The following ZMYND15 variants were observed in gnomAD, a reference collection of about 807,000 sequenced individuals.
ZMYND15 encodes the protein zinc finger MYND-type containing 15.
Under a neutral mutation model 81.7 loss-of-function variants are expected in ZMYND15, and 54 were observed. That is an observed-to-expected ratio of 0.66 (90% CI 0.53 to 0.83). ZMYND15 has a LOEUF of 0.83. Among genes scored for constraint, ZMYND15 ranks in the 40% least tolerant of loss-of-function variants. The probability of loss-of-function intolerance (pLI) is 0.00; values close to 1 mark genes in which losing one functional copy is unlikely to be tolerated. For missense variants in ZMYND15, 925 were observed against 973.5 expected (o/e 0.95, Z 0.66); for synonymous variants, 399 against 387.0 (o/e 1.03, Z -0.36).
Position 4,744,330 on chromosome 17 carries a change from A to G in ZMYND15, c.1585-39A>G. 6.2e-7 allele frequency: 1 copy of G among 1,613,854 alleles called. No individual in the cohort carries two copies. Among genetic ancestry groups the G allele is most frequent in the Non-Finnish European group, 8.5e-7 (1 of 1,179,748 alleles). ...GGCATTTTGGTATGGGGGTGGGCAC[A>G]GGGTAGACCCCAGATCTTTCTTTCT... On this transcript the variant is annotated intron_variant, in intron 9 of 13. Transcript: ENST00000433935. The surrounding 1 kb of genome is among the most constrained non-coding windows in gnomAD (Gnocchi z 4.1).
At position 4,745,124 on chromosome 17, in the gene ZMYND15, G is replaced by A. The variant is rs538764103; in HGVS notation, c.1897-91G>A. 3.1e-6 allele frequency: 5 copies of A among 1,602,876 alleles called. No individual in the cohort carries two copies. Among genetic ancestry groups the A allele is most frequent in the East Asian group, 4.5e-5 (2 of 44,830 alleles). On this transcript the variant is annotated intron_variant, in intron 12 of 13. Coordinates refer to ENST00000433935, the MANE Select transcript of ZMYND15 (RefSeq NM_001136046.3). The surrounding 1 kb of genome is among the most constrained non-coding windows in gnomAD (Gnocchi z 5.2). ...CTGCTCCCCTCCGCCCGGTCTGTCCGGGGACCTCGGCTTTCAGCCCGGTCT... is the reference window on the plus strand; with the variant it reads ...CTGCTCCCCTCCGCCCGGTCTGTCCAGGGACCTCGGCTTTCAGCCCGGTCT...
rs1194598327 is a variant in ZMYND15 at position 4,743,552 on chromosome 17, G to C, written c.1297+97G>C. On this transcript the variant is annotated intron_variant, in intron 6 of 13. Coordinates refer to ENST00000433935, the MANE Select transcript of ZMYND15 (RefSeq NM_001136046.3). The surrounding 1 kb of genome is among the most constrained non-coding windows in gnomAD (Gnocchi z 4.3). ...CAGATGATCCCTCCACATACACACTGACCCCTACCAACAGCACCAGGGCCA... is the reference window on the plus strand; with the variant it reads ...CAGATGATCCCTCCACATACACACTCACCCCTACCAACAGCACCAGGGCCA... 2.0e-6 allele frequency: 3 copies of C among 1,529,552 alleles called. No homozygotes were observed. Among genetic ancestry groups the C allele is most frequent in the Non-Finnish European group, 2.6e-6 (3 of 1,133,204 alleles). 94.7% of individuals were successfully genotyped at this position (1,529,552 alleles called of 1,614,324 possible).
At position 4,741,680 on chromosome 17, in the gene ZMYND15, G is replaced by A. The variant is rs143609208; in HGVS notation, c.691G>A (p.Ala231Thr). 2.8e-5 allele frequency: 45 copies of A among 1,613,966 alleles called. No homozygotes were observed. The highest frequency in any genetic ancestry group is 3.3e-4 in the Middle Eastern group (2 of 6,084). ...GCTAGTGGATGGAGCCCAGGGAACC[G>A]CAAGCTGGGGCTCAGGGACCAAGGA... Reference protein sequence around the residue: ...DLLVDGAQGTASWGSGTKDLA... With the variant: ...DLLVDGAQGTTSWGSGTKDLA... The change falls in exon 3 of 14, where the codon GCA becomes ACA. Residue 231 changes from alanine to threonine, a missense_variant. Coordinates refer to ENST00000433935, the MANE Select transcript of ZMYND15 (RefSeq NM_001136046.3).
rs1379643260 is a variant in ZMYND15, at chr17:4,745,894, C to T, written c.2133C>T (p.Pro711=). 1 of 1,554,154 alleles carries T rather than the reference C, an allele frequency of 6.4e-7. No individual in the cohort carries two copies. The highest frequency in any genetic ancestry group is 1.2e-5 in the South Asian group (1 of 84,946). Residue 711 remains proline, a synonymous_variant, in exon 14 of 14, where the codon CCC becomes CCT. Coordinates refer to ENST00000433935, the MANE Select transcript of ZMYND15 (RefSeq NM_001136046.3). The surrounding 1 kb of genome is among the most constrained non-coding windows in gnomAD (Gnocchi z 5.2). ...GCGGGGCCCGCCCGGCGCCCGGGCC[C>T]CCACCCCCATCCCCAACTCCCTCTG... is the stretch of plus-strand genomic sequence containing the variant. The part of the protein sequence containing the change: ...QGSGARPAPG[P]PPPSPTPSAP...
intron 1 of ZMYND15, chr17:4,740,292 C>A: frequency 1.3e-6 from 1 of 748,414 alleles, no homozygotes; most frequent in Non-Finnish European, 1.9e-6. Flanking sequence ...CATCTCATCC[C>A]TGAGTAGTCT....
Position 4,743,706 on chromosome 17 carries a change from A to G in ZMYND15, c.1298-61A>G. On this transcript the variant is annotated intron_variant, in intron 6 of 13. Transcript: ENST00000433935. This position sits in a 1 kb window ranked among gnomAD's most constrained non-coding sequence, Gnocchi z 4.3. ...GAATACAGCCCCTTTGGAAGGAAGAAAGAGATGGGTCAGGTGGGGGTCTCC... is the reference window on the plus strand; with the variant it reads ...GAATACAGCCCCTTTGGAAGGAAGAGAGAGATGGGTCAGGTGGGGGTCTCC... 1 of 1,517,520 alleles carries G rather than the reference A, an allele frequency of 6.6e-7. No individual in the cohort carries two copies. The highest frequency in any genetic ancestry group is 1.7e-4 in the Middle Eastern group (1 of 5,732). The allele number at this position is 1,517,520 out of a possible 1,614,324, so 94.0% of individuals were successfully genotyped here. A position where few individuals can be genotyped will look rare whatever the true frequency, so the allele number is the denominator to read the frequency against.
rs916247369 is a variant in ZMYND15 at position 4,745,845 on chromosome 17, T to A, written c.2084T>A (p.Leu695Gln). The A allele has an allele frequency of 1.2e-6, 2 of 1,600,330 alleles. No individual in the cohort carries two copies. Among genetic ancestry groups the A allele is most frequent in the Non-Finnish European group, 1.7e-6 (2 of 1,175,120 alleles). ...TACTGCAATGCCTTCATCTTCCACC[T>A]GGTTTACAAGCCTGCTCAAGGGAGC... The part of the protein sequence containing the change: ...SWYCNAFIFH[L>Q]VYKPAQGSGA... Residue 695 changes from leucine (L) to glutamine (Q), a missense_variant, in exon 14 of 14, where the codon CTG becomes CAG. Physicochemically the swap from Leu to Gln is moderately radical, Grantham distance 113 (BLOSUM62 -2). Coordinates refer to ENST00000433935, the MANE Select transcript of ZMYND15 (RefSeq NM_001136046.3). The surrounding 1 kb of genome is among the most constrained non-coding windows in gnomAD (Gnocchi z 5.2).
Position 4,744,870 on chromosome 17 carries a change from G to A in ZMYND15, c.1838G>A (p.Gly613Glu), listed in dbSNP as rs753369529. Residue 613 changes from glycine (G) to glutamate (E), a missense_variant and splice_region_variant, in exon 12 of 14, where the codon GGA becomes GAA. Physicochemically the swap from Gly to Glu is moderately conservative, Grantham distance 98. Transcript: ENST00000433935. This position sits in a 1 kb window ranked among gnomAD's most constrained non-coding sequence, Gnocchi z 4.1. ...FQGPKPDLVI[G>E]FNSGFALKDT... ...GCTTCTCCCTCCTCTCTGTCTGCAG[G>A]ATTTAACTCCGGGTTTGCTCTCAAG... The A allele has an allele frequency of 6.2e-7, 1 of 1,614,126 alleles. No homozygotes were observed. The highest frequency in any genetic ancestry group is 1.7e-5 in the Admixed American group (1 of 60,020).
Position 4,745,222 on chromosome 17 carries a change from G to C in ZMYND15, c.1904G>C (p.Arg635Pro). 1 of 1,614,006 alleles carries C rather than the reference G, an allele frequency of 6.2e-7. No individual in the cohort carries two copies. The highest frequency in any genetic ancestry group is 1.1e-5 in the South Asian group (1 of 91,078). The change falls in exon 13 of 14, where the codon CGA becomes CCA. Residue 635 changes from arginine (R) to proline (P), a missense_variant. Coordinates refer to ENST00000433935, the MANE Select transcript of ZMYND15 (RefSeq NM_001136046.3). This position sits in a 1 kb window ranked among gnomAD's most constrained non-coding sequence, Gnocchi z 5.2. Reference sequence around the variant, plus strand: ...ACTCTCGCTCCACCCCAGTCCCTCCGAGTGCCAGCCTTCTTCACCGAGAGC... The same window carrying C: ...ACTCTCGCTCCACCCCAGTCCCTCCCAGTGCCAGCCTTCTTCACCGAGAGC... Reference protein sequence around the residue: ...LRSLPRLQSLRVPAFFTESSE... With the variant: ...LRSLPRLQSLPVPAFFTESSE...
rs1246038673 is a variant in ZMYND15 at position 4,742,065 on chromosome 17, A to G, written c.978A>G (p.Thr326=). The change falls in exon 4 of 14, where the codon ACA becomes ACG. Residue 326 remains threonine, a synonymous_variant. Transcript: ENST00000433935. The stretch of plus-strand genomic sequence containing the variant: ...GGCACAGCTTTGAAGCGAAGCTGAC[A>G]CCTTGGTGAGCAGCCCCAAAGCTGG... ...CHRHSFEAKL[T]PCPQCSAVLY... 1.2e-6 allele frequency: 2 copies of G among 1,614,100 alleles called. No individual in the cohort carries two copies. Among genetic ancestry groups the G allele is most frequent in the Non-Finnish European group, 1.7e-6 (2 of 1,179,994 alleles).
rs1435972447 is a variant in ZMYND15 at position 4,744,263 on chromosome 17, T to A, written c.1569T>A (p.Leu523=). 6.2e-7 allele frequency: 1 copy of A among 1,614,076 alleles called. No homozygotes were observed. Among genetic ancestry groups the A allele is most frequent in the African/African-American group, 1.3e-5 (1 of 75,020 alleles). Residue 523 remains leucine (L), a synonymous_variant, in exon 9 of 14, where the codon CTT becomes CTA. Transcript: ENST00000433935. This position sits in a 1 kb window ranked among gnomAD's most constrained non-coding sequence, Gnocchi z 4.1. ...TGGAGGCCGGGAAGGAGTTTGACCT[T>A]GTCATGGTGTTTTGGGTAAGTCACC... ...HVVEAGKEFD[L]VMVFWELLVL... is the part of the protein sequence containing the mutation.
chr17:4,746,012 C>T lies in ZMYND15; in HGVS notation c.*22C>T. On this transcript the variant is annotated 3_prime_UTR_variant, in exon 14 of 14. Coordinates refer to ENST00000433935, the MANE Select transcript of ZMYND15 (RefSeq NM_001136046.3). ...ATGAATGCTGATACCCTAGTAGTCC[C>T]CAGCTCCCAAACACTGAAAGGAAAA... The T allele has an allele frequency of 7.1e-7, 1 of 1,410,940 alleles. No homozygotes were observed. Among genetic ancestry groups the T allele is most frequent in the East Asian group, 2.9e-5 (1 of 34,006 alleles). The allele number at this position is 1,410,940 out of a possible 1,614,324, so 87.4% of individuals were successfully genotyped here. A position where few individuals can be genotyped will look rare whatever the true frequency, so the allele number is the denominator to read the frequency against.
Position 4,739,870 on chromosome 17 carries a change from G to C in ZMYND15, c.-211G>C. ...TGAGCCTCCCGGGCGGCCCGGTGGA[G>C]AGAGTCGCCGCCAGCCCCGGCCGCG... On this transcript the variant is annotated 5_prime_UTR_variant, in exon 1 of 14. Transcript: ENST00000433935. The surrounding 1 kb of genome is among the most constrained non-coding windows in gnomAD (Gnocchi z 5.3). The C allele has an allele frequency of 1.0e-6, 1 of 986,142 alleles. No homozygotes were observed. The highest frequency in any genetic ancestry group is 1.2e-6 in the Non-Finnish European group (1 of 830,494). The allele number at this position is 986,142 out of a possible 1,614,324, so 61.1% of individuals were successfully genotyped here.
rs199726870 is a variant in ZMYND15, at chr17:4,742,028, A to G, written c.941A>G (p.His314Arg). The change falls in exon 4 of 14, where the codon CAT (histidine) becomes CGT (arginine). Residue 314 changes from histidine (H) to arginine (R), a missense_variant. Physicochemically the swap from His to Arg is conservative, Grantham distance 29 (BLOSUM62 0). Coordinates refer to ENST00000433935, the MANE Select transcript of ZMYND15 (RefSeq NM_001136046.3). ...GCTTCCCTTCGTGCTCGAACCTGCC[A>G]TGTGTGTCACAGGCACAGCTTTGAA... The part of the protein sequence containing the change: ...TFASLRARTC[H>R]VCHRHSFEAK... 18 of 1,614,182 alleles carry G rather than the reference A, an allele frequency of 1.1e-5. No homozygotes were observed. In the East Asian group the frequency reaches 3.8e-4, roughly 34 times the overall value.
chr17:4,742,525 C>T (rs755126733), intron 5 of ZMYND15, 34 bp downstream of exon 5: 1 of 1,607,004 alleles, frequency 6.2e-7, no homozygotes, highest in Non-Finnish European at 8.5e-7. Context: ...TTGGGGGAAA[C>T]TGGGACCAGG....
Position 4,741,830 on chromosome 17 carries a change from G to T in ZMYND15, c.827+14G>T, listed in dbSNP as rs756733087. 1 of 1,576,062 alleles carries T rather than the reference G, an allele frequency of 6.3e-7. No individual in the cohort carries two copies. ...CCGGCTGCATCGGTATAGAAATCTGGTATCTGAGGCTGGGGAGGACTCGGG... is the reference window on the plus strand; with the variant it reads ...CCGGCTGCATCGGTATAGAAATCTGTTATCTGAGGCTGGGGAGGACTCGGG... On this transcript the variant is annotated intron_variant, in intron 3 of 13. Coordinates refer to ENST00000433935, the MANE Select transcript of ZMYND15 (RefSeq NM_001136046.3).
At position 4,740,581 on chromosome 17, in the gene ZMYND15, C is replaced by T; in HGVS notation, c.33C>T (p.Phe11=). MEFVSGYRDE[F]LDFTALLFGW... is the part of the protein sequence containing the mutation. The stretch of plus-strand genomic sequence containing the variant: ...TTGTGTCTGGATACCGGGATGAGTT[C>T]CTTGATTTCACTGCCCTTCTCTTCG... The change falls in exon 2 of 14, where the codon TTC becomes TTT. Residue 11 remains phenylalanine (F), a synonymous_variant. Coordinates refer to ENST00000433935, the MANE Select transcript of ZMYND15 (RefSeq NM_001136046.3). 1 of 1,607,144 alleles carries T rather than the reference C, an allele frequency of 6.2e-7. No individual in the cohort carries two copies. Among genetic ancestry groups the T allele is most frequent in the Non-Finnish European group, 8.5e-7 (1 of 1,175,148 alleles).
In ZMYND15 at chr17:4,744,921, G is replaced by A. The variant is rs761386500; in HGVS notation, c.1889G>A (p.Arg630Gln). The stretch of plus-strand genomic sequence containing the variant: ...GATACGTGGCTGAGGTCTCTGCCCC[G>A]GTTACAGGTGGGCAATGGGGGCAAA... ...LKDTWLRSLP[R>Q]LQSLRVPAFF... The change falls in exon 12 of 14, where the codon CGG (arginine) becomes CAG (glutamine). Residue 630 changes from arginine (R) to glutamine (Q), a missense_variant. Coordinates refer to ENST00000433935, the MANE Select transcript of ZMYND15 (RefSeq NM_001136046.3). This position sits in a 1 kb window ranked among gnomAD's most constrained non-coding sequence, Gnocchi z 4.1. 27 of 1,614,088 alleles carry A rather than the reference G, an allele frequency of 1.7e-5. No individual in the cohort carries two copies. The highest frequency in any genetic ancestry group is 1.0e-4 in the Admixed American group (6 of 60,012).
rs1597281450 is a variant in ZMYND15, at chr17:4,742,021, A to C, written c.934A>C (p.Thr312Pro). Residue 312 changes from threonine to proline, a missense_variant, in exon 4 of 14, where the codon ACC (threonine) becomes CCC (proline). Transcript: ENST00000433935. ...GFTFASLRARTCHVCHRHSFE... is the reference protein window; with the variant it reads ...GFTFASLRARPCHVCHRHSFE... ...CACCTTTGCTTCCCTTCGTGCTCGA[A>C]CCTGCCATGTGTGTCACAGGCACAG... The C allele has an allele frequency of 3.7e-6, 6 of 1,614,102 alleles. No homozygotes were observed. The highest frequency in any genetic ancestry group is 5.1e-6 in the Non-Finnish European group (6 of 1,180,022).
Sources: allele counts gnomAD v4.1 joint callset, GRCh38; gene constraint gnomAD v4.1.1; non-coding constraint Gnocchi (gnomAD v3.1); transcripts MANE v1.5; gene names NCBI Gene and HGNC (gene_info 2026-07-23, HGNC 2026-07-21).